The following GFI1B variants were observed in gnomAD, a reference collection of about 807,000 sequenced individuals.
The protein encoded by GFI1B is zinc finger protein Gfi-1b.
A neutral mutation model predicts 35.3 loss-of-function variants in GFI1B; 20 were observed. The ratio of observed to expected loss-of-function variants is 0.57; its 90% CI spans 0.40 to 0.82. The LOEUF is 0.82. GFI1B is among the 40% of genes least tolerant of loss of function. The pLI is 0.00. For missense variants in GFI1B, 430 were observed against 446.3 expected, an observed-to-expected ratio of 0.96 and a Z score of 0.33; for synonymous variants, 178 against 177.6, an observed-to-expected ratio of 1.00 and a Z score of -0.02.
chr9:132,956,261 A>C lies in GFI1B; in HGVS notation c.-701+10592A>C, dbSNP rs1423950074. On this transcript the variant is annotated intron_variant, in intron 1 of 10. Transcript: ENST00000339463. Reference sequence around the variant, plus strand: ...GGTAAAACTTTCTTCTTCCAAAGAAAAGCTACTATCATACCCTTTTCCTCC... The same window carrying C: ...GGTAAAACTTTCTTCTTCCAAAGAACAGCTACTATCATACCCTTTTCCTCC... 2.0e-5 allele frequency among the ~76,000 whole-genome samples: 3 copies of C among 152,218 alleles called. No homozygotes were observed. In the East Asian group the frequency reaches 5.8e-4, roughly 29 times the overall value.
At chr9:132,964,648 A>G (rs548977407) in intron 1 of GFI1B, among the ~76,000 whole-genome samples, 1 of 152,034 alleles carries the variant, frequency 6.6e-6, no homozygotes, top group Admixed American at 6.5e-5. Flanking sequence ...CTGTGAGGAC[A>G]TCTGCCCAGC....
At chr9:132,953,699 G>C (rs1848236748) in intron 1 of GFI1B, 1 of 152,148 alleles carries the variant, frequency 6.6e-6, no homozygotes, top group Non-Finnish European at 1.5e-5. Context: ...TGTAATCCCA[G>C]CACTTTGGGA....
chr9:132,947,233 C>T (rs753274026), intron 1 of GFI1B: 12 of 152,234 alleles, frequency 7.9e-5, no homozygotes, highest in African/African-American at 1.2e-4. Context: ...ATCTCCCCCT[C>T]GCCTTCTGAA....
chr9:132,986,822 C>A (rs1849086996), intron 2 of GFI1B, 44 bp downstream of exon 2: 1 of 1,198,808 alleles, frequency 8.3e-7, no homozygotes, highest in Non-Finnish European at 1.2e-6. Context: ...CCACGGGGGG[C>A]TCTCTGCTCT....
chr9:132,962,191 A>G (rs1335193395), intron 1 of GFI1B, among the ~76,000 whole-genome samples: 1 of 144,510 alleles, frequency 6.9e-6, no homozygotes, highest in African/African-American at 2.6e-5. Context: ...AGGCTGGAGT[A>G]CAGTGGTACC....
intron 1 of GFI1B, among the ~76,000 whole-genome samples, chr9:132,967,294 TA>T (rs1433662417): frequency 1.3e-5 from 2 of 152,132 alleles, no homozygotes; most frequent in Non-Finnish European, 2.9e-5. Context: ...GGCATTCTGT[TA>T]TAGCAGCAGA....
Position 132,989,685 on chromosome 9 carries a change from G to T in GFI1B, c.649-57G>T. 6.8e-7 allele frequency: 1 copy of T among 1,473,666 alleles called. No homozygotes were observed. The highest frequency in any genetic ancestry group is 9.4e-7 in the Non-Finnish European group (1 of 1,059,454). The allele number at this position is 1,473,666 out of a possible 1,614,324, so 91.3% of individuals were successfully genotyped here. ...GTGTCCTGTTCCGCAGGGGATCCCG[G>T]CCGGGTCCAGTCCTGAGCCTGCACC... On this transcript the variant is annotated intron_variant, in intron 5 of 6. Coordinates refer to ENST00000372122, the MANE Select transcript of GFI1B (RefSeq NM_001377304.1). The surrounding 1 kb of genome is among the most constrained non-coding windows in gnomAD (Gnocchi z 6.2).
At chr9:132,973,614 G>A (rs1848572367) in intron 2 of GFI1B, among the ~76,000 whole-genome samples, 1 of 152,204 alleles carries the variant, frequency 6.6e-6, no homozygotes, top group Admixed American at 6.5e-5. Flanking sequence ...GCGTCTGGGA[G>A]GGCTTCCTGG....
upstream of GFI1B, among the ~76,000 whole-genome samples, chr9:132,974,601 C>CAAAAAAAAAAAAAAAAAAAA (rs11243966): frequency 5.0e-5 from 4 of 79,844 alleles, no homozygotes; most frequent in African/African-American, 2.2e-4. Flanking sequence ...GAATCCGTCT[C>CAAAAAAAAAAAAAAAAAAAA]AAAAAAAAAA....
At chr9:132,976,220 A>C (rs1848629545), upstream of GFI1B, among the ~76,000 whole-genome samples, 1 of 149,812 alleles carries the variant, frequency 6.7e-6, no homozygotes, top group Non-Finnish European at 1.5e-5. Flanking sequence ...TTAAAGATTT[A>C]ATGGTGAAAC....
At chr9:132,980,109 C>T (rs1369825924) in intron 1 of GFI1B, among the ~76,000 whole-genome samples, 1 of 152,190 alleles carries the variant, frequency 6.6e-6, no homozygotes, top group East Asian at 1.9e-4. Flanking sequence ...GTTTGGTCTT[C>T]CTGAAGAGAG....
At chr9:132,987,637 T>TG (rs1408233180) in intron 3 of GFI1B, among the ~76,000 whole-genome samples, 26 of 152,028 alleles carry the variant, frequency 1.7e-4, no homozygotes, top group Non-Finnish European at 3.5e-4. Flanking sequence ...AAGCAGCAGC[T>TG]GGGCCGGTCC....
intron 1 of GFI1B, among the ~76,000 whole-genome samples, chr9:132,958,006 G>A (rs573675143): frequency 6.6e-6 from 1 of 152,298 alleles, no homozygotes; most frequent in South Asian, 2.1e-4. Context: ...CCCAGTCACC[G>A]GATAATCAAC....
At chr9:132,990,758 G>T in intron 6 of GFI1B, 114 bp from the exon 7 acceptor site, 1 of 877,616 alleles carries the variant, frequency 1.1e-6, no homozygotes, top group African/African-American at 1.7e-5. Flanking sequence ...TTGGCCATGA[G>T]AGAAAACACA....
chr9:132,960,292 G>T (rs540115415), intron 1 of GFI1B, among the ~76,000 whole-genome samples: 1 of 152,324 alleles, frequency 6.6e-6, no homozygotes, highest in East Asian at 1.9e-4. Context: ...ACCACAGAAG[G>T]CTTGCTTGCT....
chr9:132,954,748 T>C (rs1422784434), intron 1 of GFI1B, among the ~76,000 whole-genome samples: 3 of 151,336 alleles, frequency 2.0e-5, no homozygotes, highest in Admixed American at 6.6e-5. Flanking sequence ...AGATGGAGTC[T>C]CACTCTGTTG....
Position 132,989,927 on chromosome 9 carries a change from C to T in GFI1B, c.814+20C>T. 1.2e-6 allele frequency: 2 copies of T among 1,606,024 alleles called. No individual in the cohort carries two copies. Among genetic ancestry groups the T allele is most frequent in the South Asian group, 1.1e-5 (1 of 90,924 alleles). Reference sequence around the variant, plus strand: ...ACACAGGTGAGTGAGTCTCACCTGCCTGTGCCCCCTGGGCAGAGCACCCCC... The same window carrying T: ...ACACAGGTGAGTGAGTCTCACCTGCTTGTGCCCCCTGGGCAGAGCACCCCC... On this transcript the variant is annotated intron_variant, in intron 6 of 6. Transcript: ENST00000372122. The surrounding 1 kb of genome is among the most constrained non-coding windows in gnomAD (Gnocchi z 6.2).
chr9:132,986,686 G>C lies in GFI1B; in HGVS notation c.8G>C (p.Arg3Pro). ...GTGGGGTGCACACTGAAAATGCCAC[G>C]CTCCTTCCTGGTGAAGAGCAAGAAG... MPRSFLVKSKKAH... is the reference protein window; with the variant it reads MPPSFLVKSKKAH... Residue 3 changes from arginine to proline, a missense_variant, in exon 2 of 7, where the codon CGC (arginine) becomes CCC (proline). Arg to Pro is a moderately radical substitution (Grantham distance 103, BLOSUM62 -2). Transcript: ENST00000372122. The C allele has an allele frequency of 6.2e-7, 1 of 1,608,988 alleles. No homozygotes were observed. The highest frequency in any genetic ancestry group is 1.1e-5 in the South Asian group (1 of 90,216).
In GFI1B at chr9:132,971,151, A is replaced by G. The variant is rs558829362; in HGVS notation, c.-700-1574A>G. ...AGTGCTGGGATTATGGGTGTGAGCC[A>G]CTGCGCCCGGCCCAGATGGACTTGT... is the stretch of plus-strand genomic sequence containing the variant. On this transcript the variant is annotated intron_variant, in intron 1 of 10. Coordinates refer to the GFI1B transcript ENST00000339463. 2.1e-4 allele frequency among the ~76,000 whole-genome samples: 32 copies of G among 152,344 alleles called. 1 individual carries two copies.
Sources: allele counts gnomAD v4.1 joint callset (sites outside exome capture counted in the v4.1 genomes callset), GRCh38; gene constraint gnomAD v4.1.1; non-coding constraint Gnocchi (gnomAD v3.1); transcripts MANE v1.5; gene names NCBI Gene and HGNC (gene_info 2026-07-23, HGNC 2026-07-21).